Variants in RASEF observed in about 807,000 individuals in gnomAD.
RASEF encodes ras and EF-hand domain-containing protein.
Under a neutral mutation model 90.1 loss-of-function variants are expected in RASEF, and 68 were observed. The ratio of observed to expected loss-of-function variants is 0.75; its 90% confidence interval spans 0.62 to 0.92. The LOEUF (loss-of-function observed/expected upper bound fraction) is 0.92. Ranked by LOEUF, RASEF falls within the 40% of genes least tolerant of loss-of-function variation. The pLI, the probability that RASEF is intolerant of heterozygous loss-of-function variation, is 0.00. For missense variants in RASEF, 949 were observed against 937.2 expected (o/e 1.01, Z -0.16); for synonymous variants, 331 against 345.2 (o/e 0.96, Z 0.46).
At chr9:82,991,169 T>G (rs917906234) in intron 15 of RASEF, among the ~76,000 whole-genome samples, 2 of 152,172 alleles carry the variant, frequency 1.3e-5, no homozygotes, top group Non-Finnish European at 2.9e-5. Flanking sequence ...AATTCTCCAG[T>G]GTCCGCAAAG....
At chr9:83,006,691 G>A (rs1206049337) in intron 7 of RASEF, among the ~76,000 whole-genome samples, 1 of 152,076 alleles carries the variant, frequency 6.6e-6, no homozygotes. Context: ...TCTACTTGGG[G>A]AGAGGGAAAA....
chr9:83,064,706 T>C (rs1830266693), upstream of RASEF, among the ~76,000 whole-genome samples: 1 of 152,214 alleles, frequency 6.6e-6, no homozygotes, highest in South Asian at 2.1e-4. Context: ...GCTCATTTTT[T>C]CTGAATTCTT....
chr9:83,217,767 C>T, the RASEF span, among the ~76,000 whole-genome samples: 2 of 152,080 alleles, frequency 1.3e-5, no homozygotes, highest in African/African-American at 2.4e-5. Context: ...CTAATACATT[C>T]GGTTTCCTCA....
the RASEF span, among the ~76,000 whole-genome samples, chr9:83,120,985 A>C: frequency 1.3e-4 from 20 of 152,222 alleles, no homozygotes; most frequent in African/African-American, 4.8e-4. Context: ...CAAAATGGTC[A>C]CAACCATTAA....
At chr9:83,200,391 G>A in the RASEF span, among the ~76,000 whole-genome samples, 5 of 152,014 alleles carry the variant, frequency 3.3e-5, no homozygotes, top group Non-Finnish European at 4.4e-5. Context: ...GCAAGATTCC[G>A]TCTCAAAAAA....
Position 83,063,109 on chromosome 9 carries a change from C to A in RASEF, c.-242G>T, listed in dbSNP as rs972725563. On this transcript the variant is annotated 5_prime_UTR_variant, in exon 1 of 17. Coordinates refer to ENST00000376447, the MANE Select transcript of RASEF (RefSeq NM_152573.4). Reference sequence around the variant, plus strand: ...CCGGGAGCGGTGGGGTGCGCCCGGGCTCCAGGCACCGCCAAGGAGCGCCTC... The same window carrying A: ...CCGGGAGCGGTGGGGTGCGCCCGGGATCCAGGCACCGCCAAGGAGCGCCTC... The A allele has an allele frequency of 1.3e-5, 6 of 463,414 alleles. No homozygotes were observed. Among genetic ancestry groups the A allele is most frequent in the African/African-American group, 2.1e-5 (1 of 48,610 alleles). 28.7% of individuals were successfully genotyped at this position (463,414 alleles called of 1,614,324 possible).
At chr9:83,003,483 G>C (rs1386759186) in intron 9 of RASEF, among the ~76,000 whole-genome samples, 1 of 152,096 alleles carries the variant, frequency 6.6e-6, no homozygotes, top group African/African-American at 2.4e-5. Context: ...CTTAGAATCA[G>C]TTTTAAATAT....
the RASEF span, among the ~76,000 whole-genome samples, chr9:83,094,324 A>T: frequency 1.2e-4 from 18 of 146,746 alleles, no homozygotes; most frequent in East Asian, 3.5e-3. Flanking sequence ...AAAGCTTATA[A>T]AAGGTCTAAT....
At chr9:83,215,336 A>AT in the RASEF span, among the ~76,000 whole-genome samples, 1 of 152,268 alleles carries the variant, frequency 6.6e-6, no homozygotes, top group Non-Finnish European at 1.5e-5. Context: ...ACCCTTGCAA[A>AT]AAGGCAGAGG....
the RASEF span, among the ~76,000 whole-genome samples, chr9:83,155,863 T>G: frequency 5.9e-5 from 9 of 152,328 alleles, no homozygotes; most frequent in Admixed American, 5.9e-4. Context: ...AGCAGTCAAC[T>G]GCCAGCATGA....
the RASEF span, among the ~76,000 whole-genome samples, chr9:83,162,243 G>A: frequency 3.3e-5 from 5 of 152,124 alleles, no homozygotes; most frequent in Admixed American, 6.6e-5. Flanking sequence ...TCAATTAAAC[G>A]TGTCAATAAT....
intron 16 of RASEF, among the ~76,000 whole-genome samples, chr9:82,983,110 CA>C (rs2118346923): frequency 9.4e-5 from 2 of 21,380 alleles, no homozygotes; most frequent in South Asian, 1.4e-3. Flanking sequence ...TACCAGGCCA[CA>C]CACACACACA....
At chr9:83,151,416 C>G in the RASEF span, among the ~76,000 whole-genome samples, 1 of 152,016 alleles carries the variant, frequency 6.6e-6, no homozygotes, top group Non-Finnish European at 1.5e-5. Flanking sequence ...GTGTTAGCCC[C>G]CAGCTTTCTA....
the RASEF span, among the ~76,000 whole-genome samples, chr9:83,140,350 A>T: frequency 6.6e-6 from 1 of 152,178 alleles, no homozygotes; most frequent in Non-Finnish European, 1.5e-5. Flanking sequence ...ATGCAGCAAG[A>T]CCTCTAATGC....
chr9:83,134,410 GCACA>G, the RASEF span, among the ~76,000 whole-genome samples: 726 of 139,112 alleles, frequency 5.2e-3, 1 homozygote, highest in Middle Eastern at 0.019. Flanking sequence ...TCACAATAGC[GCACA>G]CACACACACA....
chr9:83,045,605 G>C (rs1214192885), intron 1 of RASEF, among the ~76,000 whole-genome samples: 1 of 152,152 alleles, frequency 6.6e-6, no homozygotes, highest in Non-Finnish European at 1.5e-5. Flanking sequence ...ACAAAACCTT[G>C]AATCTGTGTT....
chr9:83,113,690 C>A, the RASEF span, among the ~76,000 whole-genome samples: 4 of 152,262 alleles, frequency 2.6e-5, no homozygotes, highest in African/African-American at 7.2e-5. Context: ...CTGAAATACA[C>A]CCTGGTCTCC....
the RASEF span, among the ~76,000 whole-genome samples, chr9:83,202,559 T>C: frequency 2.6e-5 from 4 of 152,154 alleles, no homozygotes; most frequent in African/African-American, 9.7e-5. Context: ...CACTGCAGAT[T>C]CAGCCTCTCA....
At chr9:83,215,451 C>T in the RASEF span, among the ~76,000 whole-genome samples, 1 of 152,168 alleles carries the variant, frequency 6.6e-6, no homozygotes, top group South Asian at 2.1e-4. Context: ...TAGACACTAC[C>T]ACAGGGCTGG....
Sources: gnomAD v4.1 joint callset for allele counts (sites outside exome capture counted in the v4.1 genomes callset) on GRCh38, gnomAD v4.1.1 for gene constraint, MANE v1.5 for transcripts, NCBI Gene and HGNC (gene_info 2026-07-23, HGNC 2026-07-21) for gene names.